Variants in ATP9B observed in about 807,000 individuals in gnomAD.
The protein encoded by ATP9B is ATPase phospholipid transporting 9B, also known as probable phospholipid-transporting ATPase IIB.
In ATP9B, 110 loss-of-function variants were observed where a neutral mutation model predicts 146.1. The ratio of observed to expected loss-of-function variants is 0.75; its 90% confidence interval spans 0.65 to 0.88. ATP9B has a LOEUF of 0.88. Among genes scored for constraint, ATP9B ranks in the 40% least tolerant of loss-of-function variants. The pLI is 0.00. For synonymous variants in ATP9B, 604 were observed against 569.7 expected, an observed-to-expected ratio of 1.06 and a Z score of -0.86; for missense variants, 1,499 against 1,496.4, an observed-to-expected ratio of 1.00 and a Z score of -0.03.
chr18:79,227,066 T>G (rs2095742694), intron 11 of ATP9B, among the ~76,000 whole-genome samples: 1 of 152,184 alleles, frequency 6.6e-6, no homozygotes, highest in African/African-American at 2.4e-5. Context: ...TCTCTTTTTT[T>G]GGTGGGCTAT....
chr18:79,219,270 C>T (rs1269146082), intron 11 of ATP9B, among the ~76,000 whole-genome samples: 4 of 151,992 alleles, frequency 2.6e-5, no homozygotes, highest in African/African-American at 7.3e-5. Context: ...TTGAGGGAGC[C>T]GGGTCCAGGG....
chr18:79,200,000 A>G (rs1170303290), intron 9 of ATP9B, among the ~76,000 whole-genome samples: 1 of 152,218 alleles, frequency 6.6e-6, no homozygotes, highest in Non-Finnish European at 1.5e-5. Context: ...TAGAAGGAGT[A>G]CACTCTCAAA....
chr18:79,123,810 T>A (rs977328630), intron 4 of ATP9B, among the ~76,000 whole-genome samples: 5 of 152,192 alleles, frequency 3.3e-5, no homozygotes, highest in African/African-American at 1.2e-4. Flanking sequence ...AAATAGTAAC[T>A]TTTATAACTC....
At chr18:79,074,382 A>G (rs911129517) in intron 1 of ATP9B, among the ~76,000 whole-genome samples, 1 of 152,294 alleles carries the variant, frequency 6.6e-6, no homozygotes, top group South Asian at 2.1e-4. Flanking sequence ...CCATGGTAAA[A>G]GGGTTCCTGT....
chr18:79,299,348 G>A lies in ATP9B; in HGVS notation c.1412-4256G>A, dbSNP rs535124977. On this transcript the variant is annotated intron_variant, in intron 13 of 29. Transcript: ENST00000426216. ...TTGTGTGTGTCTCTTCCATTCACAG[G>A]CATTTGTCTTTGCTCCCAGACCCAT... 2.7e-3 allele frequency among the ~76,000 whole-genome samples: 415 copies of A among 152,182 alleles called. 5 individuals are homozygous for A. The highest frequency in any genetic ancestry group is 3.2e-4 in the Non-Finnish European group (22 of 68,014).
chr18:79,164,289 C>T lies in ATP9B; in HGVS notation c.778+9734C>T, dbSNP rs897994141. ...TCAGATATACTTTAATTGATAACGC[C>T]AATAACTGGAGAATCTTTTCATGGC... On this transcript the variant is annotated intron_variant, in intron 7 of 29. Transcript: ENST00000426216. 3.3e-5 allele frequency among the ~76,000 whole-genome samples: 5 copies of T among 152,124 alleles called. No individual in the cohort carries two copies. In the South Asian group the frequency reaches 6.2e-4, roughly 19 times the overall value.
intron 15 of ATP9B, among the ~76,000 whole-genome samples, chr18:79,312,892 A>T (rs1002509566): frequency 1.3e-5 from 2 of 152,202 alleles, no homozygotes; most frequent in Non-Finnish European, 2.9e-5. Context: ...GTAATTGGCA[A>T]AGTCTCTGAA....
chr18:79,078,618 T>C (rs1051393934), intron 1 of ATP9B, among the ~76,000 whole-genome samples: 4 of 152,296 alleles, frequency 2.6e-5, no homozygotes, highest in African/African-American at 7.2e-5. Flanking sequence ...TTTTTTGATA[T>C]AGTTTACATA....
chr18:79,195,288 C>T (rs758688892), intron 9 of ATP9B, among the ~76,000 whole-genome samples: 1 of 152,068 alleles, frequency 6.6e-6, no homozygotes, highest in Non-Finnish European at 1.5e-5. Context: ...TGCTGTCTCG[C>T]CCAGGCTAGA....
At chr18:79,278,720 A>G (rs2096342379) in intron 13 of ATP9B, among the ~76,000 whole-genome samples, 1 of 152,104 alleles carries the variant, frequency 6.6e-6, no homozygotes, top group Non-Finnish European at 1.5e-5. Flanking sequence ...CAAGAGAGCA[A>G]TGTTTATGAA....
intron 8 of ATP9B, among the ~76,000 whole-genome samples, chr18:79,190,933 G>A (rs1360790425): frequency 6.6e-6 from 1 of 151,990 alleles, no homozygotes; most frequent in Non-Finnish European, 1.5e-5. Context: ...TACTACTTTT[G>A]TTCCTTACCA....
At chr18:79,332,294 T>G (rs2096795343) in intron 17 of ATP9B, among the ~76,000 whole-genome samples, 1 of 152,098 alleles carries the variant, frequency 6.6e-6, no homozygotes. Context: ...CCGGGTGTGG[T>G]GGCGGGCGCC....
intron 15 of ATP9B, among the ~76,000 whole-genome samples, chr18:79,310,527 C>T (rs2146645121): frequency 6.6e-6 from 1 of 152,340 alleles, no homozygotes; most frequent in East Asian, 1.9e-4. Flanking sequence ...CTTGTCTAGG[C>T]TTCTAGAAGC....
At chr18:79,189,028 T>G (rs1259039868) in intron 8 of ATP9B, among the ~76,000 whole-genome samples, 1 of 152,138 alleles carries the variant, frequency 6.6e-6, no homozygotes, top group Non-Finnish European at 1.5e-5. Context: ...AAGTAAAAAT[T>G]GTACCATTTC....
At chr18:79,224,847 G>C (rs1032989557) in intron 11 of ATP9B, among the ~76,000 whole-genome samples, 1 of 152,112 alleles carries the variant, frequency 6.6e-6, no homozygotes, top group Non-Finnish European at 1.5e-5. Context: ...GCTTGTCCTT[G>C]GGGGGTTATG....
intron 13 of ATP9B, among the ~76,000 whole-genome samples, chr18:79,302,039 G>C (rs954805646): frequency 3.3e-5 from 5 of 152,076 alleles, no homozygotes; most frequent in African/African-American, 1.2e-4. Context: ...AATAGTTTGG[G>C]TTATATTCCA....
At chr18:79,290,984 G>T (rs892112345) in intron 13 of ATP9B, among the ~76,000 whole-genome samples, 10 of 152,146 alleles carry the variant, frequency 6.6e-5, no homozygotes, top group Admixed American at 5.2e-4. Flanking sequence ...CACAATTCAG[G>T]AATATGTGGT....
Position 79,100,514 on chromosome 18 carries a change from T to G in ATP9B, c.293+3865T>G, listed in dbSNP as rs139071410. ...TTTAAATATACTTTGTGAAGACTTG[T>G]CTAATTTCAATAAAACTATACCAGC... is the stretch of plus-strand genomic sequence containing the variant. On this transcript the variant is annotated intron_variant, in intron 2 of 29. Transcript: ENST00000426216. Among the ~76,000 whole-genome samples, 198 of 152,356 alleles carry G rather than the reference T, an allele frequency of 1.3e-3. 1 individual carries two copies. The highest frequency in any genetic ancestry group is 4.5e-3 in the African/African-American group (187 of 41,592).
chr18:79,155,102 A>C (rs1401363526), intron 7 of ATP9B, among the ~76,000 whole-genome samples: 2 of 152,204 alleles, frequency 1.3e-5, no homozygotes, highest in Non-Finnish European at 2.9e-5. Flanking sequence ...GCAAATACTT[A>C]TTTACCACTT....
Sources: allele counts gnomAD v4.1 joint callset (sites outside exome capture counted in the v4.1 genomes callset), GRCh38; gene constraint gnomAD v4.1.1; transcripts MANE v1.5; gene names NCBI Gene and HGNC (gene_info 2026-07-23, HGNC 2026-07-21).